Variants in PRCP observed in about 807,000 individuals in gnomAD.
The protein encoded by PRCP is lysosomal Pro-X carboxypeptidase.
A neutral mutation model predicts 54.2 loss-of-function variants in PRCP; 46 were observed. The observed-to-expected ratio is 0.85, with a 90% CI of 0.67 to 1.09. PRCP has a LOEUF of 1.09. Among genes scored for constraint, PRCP ranks in the 50% least tolerant of loss-of-function variants. PRCP has a pLI of 0.00. For synonymous variants in PRCP, 240 were observed against 212.2 expected, an observed-to-expected ratio of 1.13 and a Z score of -1.14; for missense variants, 613 against 596.8, an observed-to-expected ratio of 1.03 and a Z score of -0.28.
At chr11:82,889,784 G>T (rs1056056397) in intron 1 of PRCP, among the ~76,000 whole-genome samples, 2 of 152,188 alleles carry the variant, frequency 1.3e-5, no homozygotes, top group Non-Finnish European at 2.9e-5. Context: ...AGATTGAAAG[G>T]CCTTAAATGC....
intron 2 of PRCP, among the ~76,000 whole-genome samples, chr11:82,855,759 A>G (rs769103555): frequency 6.6e-6 from 1 of 152,224 alleles, no homozygotes; most frequent in African/African-American, 2.4e-5. Context: ...AAGGCTCAAC[A>G]TCATTATCAT....
At chr11:82,851,037 AG>A (rs773295372) in intron 3 of PRCP, among the ~76,000 whole-genome samples, 18 of 152,302 alleles carry the variant, frequency 1.2e-4, no homozygotes, top group Middle Eastern at 3.4e-3. Flanking sequence ...AACTATTTTC[AG>A]GTATTGGAAA....
At chr11:82,830,493 TG>T (rs1378296641) in intron 8 of PRCP, 2 of 151,352 alleles carry the variant, frequency 1.3e-5, no homozygotes, top group African/African-American at 2.4e-5. Context: ...CCGGGCGTGG[TG>T]GGGCATGCAT....
chr11:82,835,515 G>A (rs529224873), intron 8 of PRCP: 26 of 255,186 alleles, frequency 1.0e-4, no homozygotes, highest in South Asian at 8.8e-4. Context: ...AGCCACGTCC[G>A]GGGATGAGAC....
chr11:82,832,844 T>C (rs1157230123), intron 8 of PRCP, among the ~76,000 whole-genome samples: 1 of 152,206 alleles, frequency 6.6e-6, no homozygotes. Context: ...GGTCATGAAG[T>C]ACACAGAACA....
At position 82,849,935 on chromosome 11, in the gene PRCP, T is replaced by C. The variant is rs141856699; in HGVS notation, c.730A>G (p.Ile244Val). ...SESIHRSWDA[I>V]NRLSNTGSGL... Reference sequence around the variant, plus strand: ...TTACCAGTATTTGAGAGTCGATTAATGGCATCCCAGGACCTGTGGATGCTC... The same window carrying C: ...TTACCAGTATTTGAGAGTCGATTAACGGCATCCCAGGACCTGTGGATGCTC... The change falls in exon 5 of 9, where the codon ATT (isoleucine) becomes GTT (valine). Residue 244 changes from isoleucine (I) to valine (V), a missense_variant. Physicochemically the swap from Ile to Val is conservative, Grantham distance 29. Transcript: ENST00000313010. 1 of 1,514,338 alleles carries C rather than the reference T, an allele frequency of 6.6e-7. No individual in the cohort carries two copies. The highest frequency in any genetic ancestry group is 8.8e-7 in the Non-Finnish European group (1 of 1,132,226). The allele number at this position is 1,514,338 out of a possible 1,614,324, so 93.8% of individuals were successfully genotyped here. A position where few individuals can be genotyped will look rare whatever the true frequency, so the allele number is the denominator to read the frequency against.
At chr11:82,886,416 C>G (rs1306705193) in intron 1 of PRCP, among the ~76,000 whole-genome samples, 2 of 152,152 alleles carry the variant, frequency 1.3e-5, no homozygotes, top group Non-Finnish European at 2.9e-5. Context: ...TCCCAAGTAG[C>G]TGAGACCACA....
At chr11:82,831,053 A>G (rs899941022) in intron 8 of PRCP, 1 of 145,800 alleles carries the variant, frequency 6.9e-6, no homozygotes, top group African/African-American at 2.7e-5. Flanking sequence ...CAAAAAAAAA[A>G]AAAAAAAAAA....
intron 1 of PRCP, among the ~76,000 whole-genome samples, chr11:82,889,116 G>T (rs1204862643): frequency 1.8e-5 from 2 of 111,678 alleles, no homozygotes; most frequent in Non-Finnish European, 3.5e-5. Flanking sequence ...AACACTTTGT[G>T]AGGTACAGGT....
At chr11:82,851,283 A>G (rs1858947740) in intron 3 of PRCP, among the ~76,000 whole-genome samples, 1 of 152,020 alleles carries the variant, frequency 6.6e-6, no homozygotes, top group Non-Finnish European at 1.5e-5. Context: ...ATGGGATTTA[A>G]TGACTTGGTT....
chr11:82,890,013 C>T (rs966323286), intron 1 of PRCP, among the ~76,000 whole-genome samples: 5 of 151,600 alleles, frequency 3.3e-5, no homozygotes, highest in African/African-American at 1.2e-4. Flanking sequence ...CACTCCCTTG[C>T]ATGCAATTCT....
intron 1 of PRCP, among the ~76,000 whole-genome samples, chr11:82,894,563 G>C (rs566424836): frequency 2.0e-5 from 3 of 152,212 alleles, no homozygotes; most frequent in Non-Finnish European, 4.4e-5. Context: ...GAGATCTAGA[G>C]GGTTAGGCAA....
intron 6 of PRCP, 36 bp downstream of exon 6, chr11:82,849,013 T>C: frequency 6.3e-7 from 1 of 1,586,816 alleles, no homozygotes; most frequent in Admixed American, 1.7e-5. Context: ...AAAAAGTGTG[T>C]TATTAAAAAA....
chr11:82,850,784 G>A (rs1309900286), intron 3 of PRCP, among the ~76,000 whole-genome samples: 3 of 152,116 alleles, frequency 2.0e-5, no homozygotes, highest in African/African-American at 4.8e-5. Context: ...AAATGTGATC[G>A]AATATAAACT....
At chr11:82,842,524 C>G (rs893086794) in intron 6 of PRCP, among the ~76,000 whole-genome samples, 1 of 152,170 alleles carries the variant, frequency 6.6e-6, no homozygotes, top group Non-Finnish European at 1.5e-5. Context: ...ACAGCTGAAG[C>G]AACCCTAAAA....
rs375867900 is a variant in PRCP at position 82,832,876 on chromosome 11, T to C, written c.1274+5511A>G. 1.1e-3 allele frequency among the ~76,000 whole-genome samples: 175 copies of C among 152,342 alleles called. 1 individual carries two copies. The highest frequency in any genetic ancestry group is 4.0e-3 in the African/African-American group (167 of 41,572). On this transcript the variant is annotated intron_variant, in intron 8 of 8. Coordinates refer to ENST00000313010, the MANE Select transcript of PRCP (RefSeq NM_005040.4). The stretch of plus-strand genomic sequence containing the variant: ...AACAGACACACCTATGGCTGTTCTT[T>C]TACTTTGGGAGTGCTGTTTCTTCAG...
Position 82,900,246 on chromosome 11 carries a change from A to T in PRCP, c.157T>A (p.Phe53Ile). Residue 53 changes from phenylalanine (F) to isoleucine (I), a missense_variant, in exon 1 of 9, where the codon TTC becomes ATC. Physicochemically the swap from Phe to Ile is conservative, Grantham distance 21. Transcript: ENST00000313010. ...AVAKNYSVLY[F>I]QQKVDHFGFN... ...CCGCTCCCCCTTACCTTCTGTTGGA[A>T]GTAGAGAACCGAATAGTTCTTGGCT... 5 of 1,614,132 alleles carry T rather than the reference A, an allele frequency of 3.1e-6. No individual in the cohort carries two copies. The highest frequency in any genetic ancestry group is 3.4e-6 in the Non-Finnish European group (4 of 1,179,988).
At chr11:82,855,134 G>A (rs1180870298) in intron 2 of PRCP, among the ~76,000 whole-genome samples, 3 of 152,162 alleles carry the variant, frequency 2.0e-5, no homozygotes, top group Non-Finnish European at 2.9e-5. Flanking sequence ...AAGAATTTAT[G>A]ACTAAGTCCC....
chr11:82,844,264 G>A (rs1858746690), intron 6 of PRCP, among the ~76,000 whole-genome samples: 1 of 152,032 alleles, frequency 6.6e-6, no homozygotes, highest in Non-Finnish European at 1.5e-5. Flanking sequence ...CACACAGCAA[G>A]GAAGTGGCAG....
Sources: gnomAD v4.1 joint callset for allele counts (sites outside exome capture counted in the v4.1 genomes callset) on GRCh38, gnomAD v4.1.1 for gene constraint, MANE v1.5 for transcripts, NCBI Gene and HGNC (gene_info 2026-07-23, HGNC 2026-07-21) for gene names.